MAGI1: variants seen among roughly 807,000 people sequenced by gnomAD.
MAGI1 encodes the protein membrane-associated guanylate kinase, WW and PDZ domain-containing protein 1.
MAGI1 carries 58 observed loss-of-function variants against 139.9 expected under a neutral mutation model. The ratio of observed to expected loss-of-function variants is 0.41; its 90% CI spans 0.34 to 0.52. The LOEUF is 0.52. Ranked by LOEUF, MAGI1 falls within the 20% of genes least tolerant of loss-of-function variation. MAGI1 has a pLI of 0.12. For synonymous variants in MAGI1, 812 were observed against 737.9 expected, an observed-to-expected ratio of 1.10 and a Z score of -1.63; for missense variants, 1,874 against 1,901.6, an observed-to-expected ratio of 0.99 and a Z score of 0.27.
At chr3:65,973,752 T>C (rs2065118804) in intron 1 of MAGI1, among the ~76,000 whole-genome samples, 1 of 152,214 alleles carries the variant, frequency 6.6e-6, no homozygotes, top group South Asian at 2.1e-4. Context: ...GTACATAAAT[T>C]GCTTAGCACA....
At chr3:65,402,549 T>C (rs1489062033) in intron 12 of MAGI1, among the ~76,000 whole-genome samples, 1 of 152,202 alleles carries the variant, frequency 6.6e-6, no homozygotes, top group African/African-American at 2.4e-5. Context: ...ATACAGATTC[T>C]ATCTGTATAA....
chr3:65,829,614 T>C (rs372239749), intron 1 of MAGI1, among the ~76,000 whole-genome samples: 168 of 152,350 alleles, frequency 1.1e-3, no homozygotes, highest in Middle Eastern at 3.4e-3. Context: ...CAGTCTAAGG[T>C]ATTTTGTTAT....
intron 12 of MAGI1, among the ~76,000 whole-genome samples, chr3:65,408,823 T>A (rs73127522): frequency 0.038 from 5,712 of 152,268 alleles, 145 homozygotes; most frequent in South Asian, 0.051. Flanking sequence ...GAAAATTCAC[T>A]CACTCATGTA....
intron 1 of MAGI1, among the ~76,000 whole-genome samples, chr3:65,853,734 C>T (rs1035509937): frequency 6.6e-6 from 1 of 152,150 alleles, no homozygotes; most frequent in Admixed American, 6.5e-5. Context: ...CAAAATGCTT[C>T]TCTCTGTTTG....
intron 1 of MAGI1, among the ~76,000 whole-genome samples, chr3:65,938,165 G>A (rs2063150308): frequency 6.6e-6 from 1 of 151,742 alleles, no homozygotes; most frequent in Non-Finnish European, 1.5e-5. Flanking sequence ...GAGCTTCCAT[G>A]AGAAATAAAG....
intron 1 of MAGI1, among the ~76,000 whole-genome samples, chr3:65,759,326 C>A (rs1047436779): frequency 6.6e-6 from 1 of 152,158 alleles, no homozygotes; most frequent in Non-Finnish European, 1.5e-5. Flanking sequence ...AAGTGCCAGT[C>A]TCCTTATCTA....
intron 14 of MAGI1, among the ~76,000 whole-genome samples, chr3:65,387,733 G>A (rs930574227): frequency 5.9e-5 from 9 of 152,148 alleles, no homozygotes; most frequent in African/African-American, 2.2e-4. Context: ...GGATCTATCC[G>A]AGAACTGAAC....
chr3:65,838,604 T>C (rs1454069551), intron 1 of MAGI1, among the ~76,000 whole-genome samples: 1 of 152,236 alleles, frequency 6.6e-6, no homozygotes, highest in African/African-American at 2.4e-5. Context: ...TTCCATGGCA[T>C]GGATGTACCA....
At chr3:65,549,434 T>C in intron 2 of MAGI1, 1 of 984,712 alleles carries the variant, frequency 1.0e-6, no homozygotes, top group Non-Finnish European at 1.2e-6. Flanking sequence ...GGCCCCGGAG[T>C]TCGCCTCGGT....
intron 1 of MAGI1, among the ~76,000 whole-genome samples, chr3:65,647,462 C>T (rs984843145): frequency 6.6e-6 from 1 of 152,072 alleles, no homozygotes; most frequent in African/African-American, 2.4e-5. Context: ...GTATCTCCCA[C>T]AAACCTACAT....
At chr3:65,777,530 T>C (rs1233449033) in intron 1 of MAGI1, among the ~76,000 whole-genome samples, 2 of 151,730 alleles carry the variant, frequency 1.3e-5, no homozygotes, top group Non-Finnish European at 2.9e-5. Flanking sequence ...TTCCAGCACT[T>C]TGGGAGGCCA....
chr3:65,934,944 C>T (rs978480792), intron 1 of MAGI1, among the ~76,000 whole-genome samples: 1 of 151,908 alleles, frequency 6.6e-6, no homozygotes, highest in African/African-American at 2.4e-5. Flanking sequence ...CAGTAAAGAA[C>T]AACACAGATA....
chr3:65,641,677 G>T (rs965872033), intron 1 of MAGI1, among the ~76,000 whole-genome samples: 3 of 152,160 alleles, frequency 2.0e-5, no homozygotes, highest in African/African-American at 7.2e-5. Context: ...TAAGGAAGTG[G>T]AAAAATTCTA....
intron 1 of MAGI1, among the ~76,000 whole-genome samples, chr3:65,898,087 T>C (rs2061058445): frequency 6.6e-6 from 1 of 152,198 alleles, no homozygotes; most frequent in Non-Finnish European, 1.5e-5. Context: ...CACTTAAGAA[T>C]AAATGCTTGT....
intron 10 of MAGI1, among the ~76,000 whole-genome samples, chr3:65,435,125 T>C (rs1947741864): frequency 6.6e-6 from 1 of 152,148 alleles, no homozygotes; most frequent in African/African-American, 2.4e-5. Context: ...CCAGAACTGA[T>C]AGATAAATGT....
chr3:65,394,069 C>T (rs1944174125), intron 13 of MAGI1, among the ~76,000 whole-genome samples: 1 of 152,148 alleles, frequency 6.6e-6, no homozygotes, highest in Non-Finnish European at 1.5e-5. Flanking sequence ...TGCAGAGATT[C>T]AGCATGTCAC....
At chr3:65,926,924 G>A (rs868715389) in intron 1 of MAGI1, among the ~76,000 whole-genome samples, 17 of 152,278 alleles carry the variant, frequency 1.1e-4, no homozygotes, top group Non-Finnish European at 2.4e-4. Context: ...GAACCCAGGA[G>A]GCGGAGTTTG....
At chr3:65,770,278 A>G (rs1332049447) in intron 1 of MAGI1, among the ~76,000 whole-genome samples, 2 of 152,206 alleles carry the variant, frequency 1.3e-5, no homozygotes, top group Admixed American at 1.3e-4. Flanking sequence ...CTAACATCAG[A>G]ATTCCCACTT....
At chr3:65,831,876 G>T (rs79902627) in intron 1 of MAGI1, among the ~76,000 whole-genome samples, 10,847 of 152,174 alleles carry the variant, frequency 0.071, 619 homozygotes, top group South Asian at 0.22. Context: ...CACATATGTG[G>T]GCCACAAGGT....
Sources: allele counts gnomAD v4.1 joint callset (sites outside exome capture counted in the v4.1 genomes callset), GRCh38; gene constraint gnomAD v4.1.1; transcripts MANE v1.5; gene names NCBI Gene and HGNC (gene_info 2026-07-23, HGNC 2026-07-21).